Variants in TMEM272 observed in about 807,000 individuals in gnomAD.
TMEM272 encodes the protein long intergenic non-protein coding RNA 282.
Under a neutral mutation model 3.7 loss-of-function variants are expected in TMEM272, and 8 were observed. The ratio of observed to expected loss-of-function variants is 2.17; its 90% CI spans 1.27 to 3.91. The LOEUF (loss-of-function observed/expected upper bound fraction) is 3.91. Ranked by LOEUF, TMEM272 falls within the 30% of genes most tolerant of loss-of-function variation. TMEM272 has a pLI of 0.00. For synonymous variants in TMEM272, 63 were observed against 39.8 expected (o/e 1.58, Z -2.20); for missense variants, 166 against 91.5 (o/e 1.81, Z -3.32).
chr13:51,916,075 A>G, the TMEM272 span, among the ~76,000 whole-genome samples: 16 of 152,320 alleles, frequency 1.1e-4, no homozygotes, highest in South Asian at 2.1e-4. Flanking sequence ...CTCTTCTCAA[A>G]AAGAAGAAAA....
chr13:51,822,568 G>A lies in TMEM272; in HGVS notation c.119-431C>T, dbSNP rs982683742. On this transcript the variant is annotated intron_variant, in intron 3 of 4. Coordinates refer to ENST00000629372, the MANE Select transcript of TMEM272 (RefSeq NM_001351003.2). Reference sequence around the variant, plus strand: ...TCACATTTCCAAAATGTGACTCTGCGTGAATGAGGTTCTCATCTACTCTGC... The same window carrying A: ...TCACATTTCCAAAATGTGACTCTGCATGAATGAGGTTCTCATCTACTCTGC... Among the ~76,000 whole-genome samples, 4 of 152,022 alleles carry A rather than the reference G, an allele frequency of 2.6e-5. No individual in the cohort carries two copies. In the South Asian group the frequency reaches 6.2e-4, roughly 24 times the overall value.
rs578125621 is a variant in TMEM272 at position 51,817,419 on chromosome 13, C to G, written c.202-306G>C. ...CAAGGGATTGGCTGGGGTAACCCAT[C>G]TCTGCATCAAGGTTCAGACTGACTC... On this transcript the variant is annotated intron_variant, in intron 4 of 4. Transcript: ENST00000629372. Among the ~76,000 whole-genome samples the G allele has an allele frequency of 1.4e-3, 206 of 152,310 alleles. 1 individual carries two copies. Among genetic ancestry groups the G allele is most frequent in the Non-Finnish European group, 2.2e-3 (150 of 68,032 alleles).
the TMEM272 span, among the ~76,000 whole-genome samples, chr13:51,863,181 G>C: frequency 4.6e-5 from 7 of 152,222 alleles, no homozygotes; most frequent in African/African-American, 1.7e-4. Context: ...GAGCTGAATA[G>C]AGCCCGTTAA....
chr13:51,814,447 C>T lies in TMEM272; in HGVS notation c.*2304G>A, dbSNP rs1315849768. 1 of 152,212 alleles carries T rather than the reference C, an allele frequency of 6.6e-6. No individual in the cohort carries two copies. Among genetic ancestry groups the T allele is most frequent in the Non-Finnish European group, 1.5e-5 (1 of 68,056 alleles). The allele number at this position is 152,212 out of a possible 1,614,324, so 9.4% of individuals were successfully genotyped here. On this transcript the variant is annotated 3_prime_UTR_variant, in exon 5 of 5. Coordinates refer to ENST00000629372, the MANE Select transcript of TMEM272 (RefSeq NM_001351003.2). ...ATTTTCTTTAGGATCTAACCTGTTT[C>T]CCCAGAAGGGGGTAATTTTGTTTTT...
At chr13:51,898,796 T>A in the TMEM272 span, among the ~76,000 whole-genome samples, 1 of 151,794 alleles carries the variant, frequency 6.6e-6, no homozygotes, top group African/African-American at 2.4e-5. Flanking sequence ...CCCAGCATGC[T>A]AAAAAGGTAA....
At chr13:51,894,290 T>C in the TMEM272 span, among the ~76,000 whole-genome samples, 18 of 152,084 alleles carry the variant, frequency 1.2e-4, no homozygotes, top group Non-Finnish European at 2.5e-4. Context: ...CCACACCTCA[T>C]GTGTTGGGCC....
the TMEM272 span, among the ~76,000 whole-genome samples, chr13:51,886,971 C>A: frequency 6.6e-6 from 1 of 152,172 alleles, no homozygotes; most frequent in African/African-American, 2.4e-5. Context: ...GCTCACCAGT[C>A]CATAACTGTT....
the TMEM272 span, among the ~76,000 whole-genome samples, chr13:51,852,721 T>C: frequency 2.0e-5 from 3 of 151,772 alleles, no homozygotes; most frequent in Non-Finnish European, 2.9e-5. Context: ...CTACTAAAAA[T>C]ACAAAAAATT....
intron 3 of TMEM272, among the ~76,000 whole-genome samples, chr13:51,824,417 A>C (rs1222454366): frequency 6.6e-6 from 1 of 152,264 alleles, no homozygotes; most frequent in African/African-American, 2.4e-5. Context: ...TGTACAATTC[A>C]TCGGCATAAT....
At chr13:51,848,932 T>C (rs145643441), upstream of TMEM272, among the ~76,000 whole-genome samples, 421 of 152,336 alleles carry the variant, frequency 2.8e-3, 2 homozygotes, top group Non-Finnish European at 3.8e-3. Flanking sequence ...TCCATTCTGA[T>C]GTCACTCTTC....
At chr13:51,839,289 C>T (rs574601987) in intron 1 of TMEM272, among the ~76,000 whole-genome samples, 6 of 152,330 alleles carry the variant, frequency 3.9e-5, no homozygotes, top group African/African-American at 1.4e-4. Flanking sequence ...AACTCCAGCT[C>T]ATCAAGACGG....
chr13:51,851,947 G>A, the TMEM272 span, among the ~76,000 whole-genome samples: 3 of 152,176 alleles, frequency 2.0e-5, no homozygotes, highest in East Asian at 1.9e-4. Context: ...ACAATACTCC[G>A]ATGAATAACC....
the TMEM272 span, among the ~76,000 whole-genome samples, chr13:51,914,328 G>C: frequency 6.6e-6 from 1 of 152,202 alleles, no homozygotes; most frequent in Non-Finnish European, 1.5e-5. Context: ...GGAAATTGAC[G>C]CTTAGCAGGG....
At chr13:51,898,466 C>T in the TMEM272 span, among the ~76,000 whole-genome samples, 3 of 151,576 alleles carry the variant, frequency 2.0e-5, no homozygotes, top group African/African-American at 7.3e-5. Flanking sequence ...GAGAAATGGG[C>T]AACTGACTTA....
the TMEM272 span, among the ~76,000 whole-genome samples, chr13:51,897,652 C>A: frequency 9.6e-3 from 1,465 of 152,100 alleles, 20 homozygotes; most frequent in African/African-American, 0.034. Context: ...CAAGGCTGGG[C>A]GCAGTGGCTC....
intron 1 of TMEM272, among the ~76,000 whole-genome samples, chr13:51,844,786 A>G (rs1956290832): frequency 6.6e-6 from 1 of 152,116 alleles, no homozygotes; most frequent in Non-Finnish European, 1.5e-5. Flanking sequence ...CCTGCAGTTA[A>G]TTATTCCTTT....
At chr13:51,910,597 G>A in the TMEM272 span, 1 of 639,746 alleles carries the variant, frequency 1.6e-6, no homozygotes, top group South Asian at 1.5e-5. Flanking sequence ...AAGTACAGCT[G>A]AGGGGTAGCC....
the TMEM272 span, among the ~76,000 whole-genome samples, chr13:51,895,464 A>G: frequency 1.3e-5 from 2 of 152,196 alleles, no homozygotes; most frequent in African/African-American, 4.8e-5. Flanking sequence ...TCTGTGCTTT[A>G]GGCAGGGAAT....
chr13:51,847,471 C>T (rs535257450), upstream of TMEM272, among the ~76,000 whole-genome samples: 30 of 152,294 alleles, frequency 2.0e-4, no homozygotes, highest in Middle Eastern at 3.4e-3. Context: ...AACTGGTCTC[C>T]GGTGCCAAAA....
Sources: gnomAD v4.1 joint callset for allele counts (sites outside exome capture counted in the v4.1 genomes callset) on GRCh38, gnomAD v4.1.1 for gene constraint, MANE v1.5 for transcripts, NCBI Gene and HGNC (gene_info 2026-07-23, HGNC 2026-07-21) for gene names.